The following SV2C variants were observed in gnomAD, a reference collection of about 807,000 sequenced individuals.
SV2C encodes synaptic vesicle glycoprotein 2C.
A neutral mutation model predicts 79.7 loss-of-function variants in SV2C; 49 were observed. That is an observed-to-expected ratio of 0.61 (90% confidence interval 0.49 to 0.78). The LOEUF is 0.78. Ranked by LOEUF, SV2C falls within the 30% of genes least tolerant of loss-of-function variation. The probability of loss-of-function intolerance (pLI) is 0.00; values close to 1 mark genes in which losing one functional copy is unlikely to be tolerated. For synonymous variants in SV2C, 334 were observed against 333.2 expected, an observed-to-expected ratio of 1.00 and a Z score of -0.03; for missense variants, 833 against 912.9, an observed-to-expected ratio of 0.91 and a Z score of 1.13.
chr5:76,244,774 A>T (rs1745894961), intron 4 of SV2C, among the ~76,000 whole-genome samples: 1 of 152,252 alleles, frequency 6.6e-6, no homozygotes, highest in Non-Finnish European at 1.5e-5. Flanking sequence ...CATCAAAATT[A>T]ATAAAAGTCC....
At chr5:75,903,707 T>C in the SV2C span, among the ~76,000 whole-genome samples, 1 of 152,222 alleles carries the variant, frequency 6.6e-6, no homozygotes, top group Non-Finnish European at 1.5e-5. Context: ...TGAGCTCATG[T>C]CGACCTTCTC....
chr5:75,974,596 A>G, the SV2C span, among the ~76,000 whole-genome samples: 79 of 152,202 alleles, frequency 5.2e-4, 1 homozygote, highest in African/African-American at 1.8e-3. Flanking sequence ...AGTAATATGA[A>G]CAGTGATGGC....
chr5:75,893,480 C>G, the SV2C span, among the ~76,000 whole-genome samples: 7 of 152,154 alleles, frequency 4.6e-5, no homozygotes, highest in East Asian at 7.8e-4. Flanking sequence ...TTACCCTAAG[C>G]AAATCAATGC....
the SV2C span, among the ~76,000 whole-genome samples, chr5:76,027,044 A>G: frequency 6.9e-6 from 1 of 144,730 alleles, no homozygotes; most frequent in Non-Finnish European, 1.5e-5. Context: ...GAAAAAAAGT[A>G]TTATTTTCAG....
chr5:76,209,894 G>T lies in SV2C; in HGVS notation c.913+7G>T. 1 of 1,608,580 alleles carries T rather than the reference G, an allele frequency of 6.2e-7. No individual in the cohort carries two copies. ...GCCATCATCCCGCACTACGGTAAGA[G>T]GCTGGCCTTGCCCCAGCTGGGCAGT... On this transcript the variant is annotated splice_region_variant and intron_variant, in intron 4 of 12. Coordinates refer to ENST00000502798, the MANE Select transcript of SV2C (RefSeq NM_014979.4).
At chr5:76,314,224 T>G (rs1748549137) in intron 12 of SV2C, among the ~76,000 whole-genome samples, 1 of 152,186 alleles carries the variant, frequency 6.6e-6, no homozygotes, top group Non-Finnish European at 1.5e-5. Context: ...ATAGTTTTCC[T>G]CCCCGTATGG....
At chr5:76,187,841 A>G (rs1580340747) in intron 2 of SV2C, among the ~76,000 whole-genome samples, 1 of 151,972 alleles carries the variant, frequency 6.6e-6, no homozygotes, top group East Asian at 1.9e-4. Flanking sequence ...GAGTTAAGGA[A>G]GGTGAAAAGT....
At chr5:76,338,329 C>G (rs898613472), downstream of SV2C, among the ~76,000 whole-genome samples, 1 of 152,226 alleles carries the variant, frequency 6.6e-6, no homozygotes, top group Non-Finnish European at 1.5e-5. Context: ...CAGACAGCAC[C>G]TGAAGCAGCT....
At chr5:76,122,624 C>T (rs948586203) in intron 1 of SV2C, among the ~76,000 whole-genome samples, 2 of 151,896 alleles carry the variant, frequency 1.3e-5, no homozygotes, top group African/African-American at 2.4e-5. Context: ...TGACTGACTA[C>T]TGGGTACATA....
At chr5:76,231,530 G>T (rs541596088) in intron 4 of SV2C, among the ~76,000 whole-genome samples, 1 of 150,352 alleles carries the variant, frequency 6.7e-6, no homozygotes, top group African/African-American at 2.5e-5. Flanking sequence ...CTGGTGCGCC[G>T]CACCCACTAA....
intron 4 of SV2C, among the ~76,000 whole-genome samples, chr5:76,224,000 G>A (rs1410012629): frequency 6.6e-6 from 1 of 152,080 alleles, no homozygotes. Context: ...CCACCCTTAT[G>A]AGCTCATTTA....
At chr5:76,268,789 A>G (rs949457325) in intron 4 of SV2C, among the ~76,000 whole-genome samples, 1 of 152,186 alleles carries the variant, frequency 6.6e-6, no homozygotes, top group Non-Finnish European at 1.5e-5. Flanking sequence ...TTTACTTGTC[A>G]ACTTCAGGGT....
At chr5:76,340,708 A>T (rs886782713) in intron 12 of SV2C, among the ~76,000 whole-genome samples, 1 of 152,214 alleles carries the variant, frequency 6.6e-6, no homozygotes, top group Non-Finnish European at 1.5e-5. Context: ...AAGAAACAGT[A>T]GTTTTAACTG....
chr5:76,181,730 G>A (rs748914978), intron 2 of SV2C, among the ~76,000 whole-genome samples: 9 of 152,164 alleles, frequency 5.9e-5, no homozygotes, highest in Non-Finnish European at 8.8e-5. Flanking sequence ...TTCCCACCAG[G>A]CCCCACCTTC....
intron 4 of SV2C, among the ~76,000 whole-genome samples, chr5:76,227,910 TG>T (rs1745301499): frequency 6.6e-6 from 1 of 152,226 alleles, no homozygotes; most frequent in Non-Finnish European, 1.5e-5. Flanking sequence ...CTCACTTAGC[TG>T]AGACCTCTGC....
intron 1 of SV2C, among the ~76,000 whole-genome samples, chr5:76,128,183 C>T (rs1168144177): frequency 6.6e-6 from 1 of 152,154 alleles, no homozygotes; most frequent in Non-Finnish European, 1.5e-5. Context: ...ATTGCTTTGC[C>T]TACTTTCCTG....
rs1747576242 is a variant in SV2C, at chr5:76,291,847, T to C, written c.1328T>C (p.Leu443Pro). 5.6e-6 allele frequency: 9 copies of C among 1,606,230 alleles called. No individual in the cohort carries two copies. The highest frequency in any genetic ancestry group is 7.7e-6 in the Non-Finnish European group (9 of 1,174,958). ...AAGCTTACAATTGTTTGGTTCACCC[T>C]GTCCTTTGGGTAAGTGATATTTAAA... Reference protein sequence around the residue: ...TIKLTIVWFTLSFGYYGLSVW... With the variant: ...TIKLTIVWFTPSFGYYGLSVW... The change falls in exon 8 of 13, where the codon CTG becomes CCG. Residue 443 changes from leucine to proline, a missense_variant. Transcript: ENST00000502798.
At chr5:75,944,394 AAATT>A in the SV2C span, among the ~76,000 whole-genome samples, 2 of 152,196 alleles carry the variant, frequency 1.3e-5, no homozygotes, top group Admixed American at 6.5e-5. Context: ...CAAGCTAATT[AAATT>A]AATTCTATTC....
At chr5:75,877,650 A>C in the SV2C span, among the ~76,000 whole-genome samples, 18,553 of 151,432 alleles carry the variant, frequency 0.12, 1,343 homozygotes, top group African/African-American at 0.21. Context: ...GAAATTAAAC[A>C]ACACACTTCT....
Sources: gnomAD v4.1 joint callset for allele counts (sites outside exome capture counted in the v4.1 genomes callset) on GRCh38, gnomAD v4.1.1 for gene constraint, MANE v1.5 for transcripts, NCBI Gene and HGNC (gene_info 2026-07-23, HGNC 2026-07-21) for gene names.